FARS2: variants seen among roughly 807,000 people sequenced by gnomAD.
FARS2 encodes the protein phenylalanine--tRNA ligase, mitochondrial.
A neutral mutation model predicts 46.4 loss-of-function variants in FARS2; 40 were observed. The ratio of observed to expected loss-of-function variants is 0.86; its 90% CI spans 0.67 to 1.12. FARS2 has a LOEUF of 1.12. Among genes scored for constraint, FARS2 ranks in the 50% most tolerant of loss-of-function variants. The pLI is 0.00. For missense variants in FARS2, 513 were observed against 567.9 expected, an observed-to-expected ratio of 0.90 and a Z score of 0.98; for synonymous variants, 234 against 214.9, an observed-to-expected ratio of 1.09 and a Z score of -0.78.
intron 1 of FARS2, among the ~76,000 whole-genome samples, chr6:5,300,449 T>C (rs1416756128): frequency 1.3e-5 from 2 of 152,058 alleles, no homozygotes; most frequent in African/African-American, 4.8e-5. Context: ...AGAAGCACAT[T>C]TGGGTTTGAT....
chr6:5,639,986 G>A (rs377616696), intron 6 of FARS2, among the ~76,000 whole-genome samples: 6 of 152,200 alleles, frequency 3.9e-5, no homozygotes, highest in Middle Eastern at 3.4e-3. Flanking sequence ...TCGGAAAAAC[G>A]TTTTTTTAAC....
At chr6:5,489,836 G>A (rs34670959) in intron 4 of FARS2, among the ~76,000 whole-genome samples, 2 of 152,060 alleles carry the variant, frequency 1.3e-5, no homozygotes, top group African/African-American at 2.4e-5. Flanking sequence ...TTATAAAATT[G>A]TAATAAATTG....
At chr6:5,751,238 A>G (rs576040733) in intron 6 of FARS2, among the ~76,000 whole-genome samples, 1 of 152,294 alleles carries the variant, frequency 6.6e-6, no homozygotes, top group South Asian at 2.1e-4. Flanking sequence ...ATGAGTAGCC[A>G]ATGAATGGAG....
chr6:5,708,140 G>A (rs1445618602), intron 6 of FARS2, among the ~76,000 whole-genome samples: 1 of 152,138 alleles, frequency 6.6e-6, no homozygotes, highest in African/African-American at 2.4e-5. Context: ...GGTGGTAGAA[G>A]GGCCGGGTAG....
rs1413960962 is a variant in FARS2, at chr6:5,282,551, G to GA, written c.-22+20898dup. Among the ~76,000 whole-genome samples, 7 of 152,226 alleles carry GA rather than the reference G, an allele frequency of 4.6e-5. No homozygotes were observed. In the East Asian group the frequency reaches 1.3e-3, roughly 29 times the overall value. On this transcript the variant is annotated intron_variant, in intron 1 of 6. Coordinates refer to ENST00000274680, the MANE Select transcript of FARS2 (RefSeq NM_006567.5). ...ACCGGAGTTGAGGGTTAGTGGTAGG[G>GA]AAAAAAAGAGCAGCTGTTCGAGTTT... is the stretch of plus-strand genomic sequence containing the variant.
chr6:5,601,601 C>A (rs1774524578), intron 5 of FARS2, among the ~76,000 whole-genome samples: 3 of 150,878 alleles, frequency 2.0e-5, no homozygotes, highest in South Asian at 4.2e-4. Context: ...CATAGCCTGG[C>A]CTTAGTAGAC....
chr6:5,270,144 A>C (rs1011064996), intron 1 of FARS2, among the ~76,000 whole-genome samples: 2 of 152,174 alleles, frequency 1.3e-5, no homozygotes, highest in African/African-American at 4.8e-5. Flanking sequence ...TGCAGTGCAA[A>C]GGGAAAGTAA....
chr6:5,394,956 AG>A (rs1760807462), intron 2 of FARS2, among the ~76,000 whole-genome samples: 1 of 152,110 alleles, frequency 6.6e-6, no homozygotes, highest in Non-Finnish European at 1.5e-5. Flanking sequence ...GTCACCTTGT[AG>A]GCCTCTCTCT....
chr6:5,686,348 C>CCA (rs1554125383), intron 6 of FARS2, among the ~76,000 whole-genome samples: 2 of 151,048 alleles, frequency 1.3e-5, no homozygotes, highest in African/African-American at 4.9e-5. Context: ...GCTCTCCCCC[C>CCA]CCGCTGCCCA....
At chr6:5,674,845 A>AT (rs1778675232) in intron 6 of FARS2, among the ~76,000 whole-genome samples, 1 of 152,084 alleles carries the variant, frequency 6.6e-6, no homozygotes, top group Non-Finnish European at 1.5e-5. Context: ...ACTTGGAGGG[A>AT]TTTTTTAAAG....
chr6:5,664,392 G>A (rs1778002980), intron 6 of FARS2, among the ~76,000 whole-genome samples: 1 of 152,188 alleles, frequency 6.6e-6, no homozygotes, highest in Non-Finnish European at 1.5e-5. Flanking sequence ...GCCTTTGCCT[G>A]TCACCCTGGG....
intron 1 of FARS2, among the ~76,000 whole-genome samples, chr6:5,298,675 G>T (rs1768067537): frequency 1.3e-5 from 2 of 152,240 alleles, no homozygotes; most frequent in South Asian, 4.1e-4. Flanking sequence ...AAAAGCTTCT[G>T]AGGTGATTCT....
chr6:5,459,280 A>G (rs1765093669), intron 4 of FARS2, among the ~76,000 whole-genome samples: 1 of 152,198 alleles, frequency 6.6e-6, no homozygotes, highest in African/African-American at 2.4e-5. Flanking sequence ...TTTAGCTAAA[A>G]ATGTTGGTAT....
chr6:5,506,157 G>C (rs1016723681), intron 4 of FARS2, among the ~76,000 whole-genome samples: 8 of 152,320 alleles, frequency 5.3e-5, no homozygotes, highest in African/African-American at 1.9e-4. Flanking sequence ...CCAGTGGAGA[G>C]CAGGGCAAGA....
At chr6:5,329,673 A>C (rs928325389) in intron 1 of FARS2, among the ~76,000 whole-genome samples, 1 of 152,198 alleles carries the variant, frequency 6.6e-6, no homozygotes, top group Non-Finnish European at 1.5e-5. Context: ...CCCCTTGGTC[A>C]CTTGCTAGAA....
chr6:5,616,010 T>TAAAAA lies in FARS2; in HGVS notation c.1217+2711_1217+2715dup, dbSNP rs11327256. ...ACTTCAGATTGTAACCCATAGCTCT[T>TAAAAA]AAAAAAAAAAAAAAAAAAAAAAAAA... is the stretch of plus-strand genomic sequence containing the variant. On this transcript the variant is annotated intron_variant, in intron 6 of 6. Transcript: ENST00000274680. Among the ~76,000 whole-genome samples the TAAAAA allele has an allele frequency of 1.9e-4, 18 of 95,820 alleles. No individual in the cohort carries two copies. In the East Asian group the frequency reaches 2.8e-3, roughly 15 times the overall value. The allele number at this position is 95,820 out of a possible 152,430, so 62.9% of individuals were successfully genotyped here.
intron 6 of FARS2, among the ~76,000 whole-genome samples, chr6:5,615,120 G>A (rs190047298): frequency 4.7e-4 from 71 of 152,128 alleles, no homozygotes; most frequent in Non-Finnish European, 9.1e-4. Flanking sequence ...ATATCATTGT[G>A]TTTCACAAAT....
intron 6 of FARS2, among the ~76,000 whole-genome samples, chr6:5,627,100 C>T (rs144709809): frequency 1.2e-3 from 178 of 152,374 alleles, no homozygotes; most frequent in Admixed American, 2.1e-3. Context: ...TGACTTTACA[C>T]TGATGATAAT....
chr6:5,447,428 G>A (rs139267683), intron 4 of FARS2, among the ~76,000 whole-genome samples: 36 of 152,292 alleles, frequency 2.4e-4, no homozygotes, highest in African/African-American at 8.4e-4. Context: ...ACCCTCCAAA[G>A]AATTGTAGGT....
Sources: allele counts gnomAD v4.1 joint callset (sites outside exome capture counted in the v4.1 genomes callset), GRCh38; gene constraint gnomAD v4.1.1; transcripts MANE v1.5; gene names NCBI Gene and HGNC (gene_info 2026-07-23, HGNC 2026-07-21).